The following F13B variants were observed in gnomAD, a reference collection of about 807,000 sequenced individuals.
F13B encodes the protein TGase.
F13B carries 58 observed loss-of-function variants against 79.8 expected under a neutral mutation model. The ratio of observed to expected loss-of-function variants is 0.73; its 90% CI spans 0.59 to 0.90. The LOEUF (loss-of-function observed/expected upper bound fraction) is 0.90, where lower values mean the gene tolerates loss of function less well. F13B is among the 40% of genes least tolerant of loss of function. The pLI, the probability that F13B is intolerant of heterozygous loss-of-function variation, is 0.00. For synonymous variants in F13B, 283 were observed against 260.3 expected, an observed-to-expected ratio of 1.09 and a Z score of -0.84; for missense variants, 773 against 777.0, an observed-to-expected ratio of 0.99 and a Z score of 0.06.
At position 197,057,397 on chromosome 1, in the gene F13B, A is replaced by C. The variant is rs1247793701; in HGVS notation, c.874T>G (p.Tyr292Asp). ...ATATGAACTATTTCTCCATGACGAT[A>C]AGTTGTTGAATGTGTTTGAATTTTG... ...NSKIQTHSTT[Y>D]RHGEIVHIEC... The change falls in exon 6 of 12, where the codon TAT becomes GAT. Residue 292 changes from tyrosine (Y) to aspartate (D), a missense_variant. Coordinates refer to ENST00000367412, the MANE Select transcript of F13B (RefSeq NM_001994.3). 6.2e-7 allele frequency: 1 copy of C among 1,613,922 alleles called. No individual in the cohort carries two copies. Among genetic ancestry groups the C allele is most frequent in the Non-Finnish European group, 8.5e-7 (1 of 1,179,894 alleles).
At position 197,039,020 on chromosome 1, in the gene F13B, A is replaced by T. The variant is rs1352588588; in HGVS notation, c.*358T>A. ...TGAATTAAGGGTAACAAAAGCCTTAATATTAATAAAGATGATGACGAATGT... is the reference window on the plus strand; with the variant it reads ...TGAATTAAGGGTAACAAAAGCCTTATTATTAATAAAGATGATGACGAATGT... On this transcript the variant is annotated 3_prime_UTR_variant, in exon 12 of 12. Transcript: ENST00000367412. Among the ~76,000 whole-genome samples the T allele has an allele frequency of 6.6e-6, 1 of 152,114 alleles. No individual in the cohort carries two copies. The highest frequency in any genetic ancestry group is 2.4e-5 in the African/African-American group (1 of 41,438).
chr1:197,050,588 A>G, intron 10 of F13B, 109 bp downstream of exon 10: 1 of 961,802 alleles, frequency 1.0e-6, no homozygotes, highest in South Asian at 1.5e-5. Context: ...ATAAAATAAC[A>G]CAAATGTAGC....
chr1:197,055,655 CA>C, intron 8 of F13B, 59 bp downstream of exon 8: 1 of 1,524,798 alleles, frequency 6.6e-7, no homozygotes, highest in Non-Finnish European at 9.1e-7. Flanking sequence ...TGATATAAAA[CA>C]CTGTAAGAAA....
intron 10 of F13B, among the ~76,000 whole-genome samples, chr1:197,042,106 G>A (rs1418052899): frequency 6.6e-6 from 1 of 152,048 alleles, no homozygotes; most frequent in Admixed American, 6.6e-5. Context: ...GTTTATAGCA[G>A]GTAACTGAAA....
At chr1:197,043,153 G>A (rs1655103900) in intron 10 of F13B, among the ~76,000 whole-genome samples, 1 of 152,008 alleles carries the variant, frequency 6.6e-6, no homozygotes, top group African/African-American at 2.4e-5. Context: ...AGTTACAGTG[G>A]GCATTTGGCA....
Position 197,063,026 on chromosome 1 carries a change from A to G in F13B, c.96T>C (p.Asn32=), listed in dbSNP as rs1655924673. ...EKPCGFPHVE[N]GRIAQYYYTF... is the part of the protein sequence containing the mutation. ...TATAGTAATATTGGGCAATTCTTCC[A>G]TTTTCCACATGAGGAAAACCACAGG... The change falls in exon 2 of 12, where the codon AAT becomes AAC. Residue 32 remains asparagine (N), a synonymous_variant. Transcript: ENST00000367412. 5.0e-6 allele frequency: 8 copies of G among 1,612,612 alleles called. No individual in the cohort carries two copies. The highest frequency in any genetic ancestry group is 6.8e-6 in the Non-Finnish European group (8 of 1,179,588).
At chr1:197,063,099 C>T in intron 1 of F13B, 42 bp from the exon 2 acceptor site, 2 of 1,544,852 alleles carry the variant, frequency 1.3e-6, no homozygotes, top group Non-Finnish European at 1.8e-6. Context: ...AAAAACAAAT[C>T]TAAAAACATA....
intron 9 of F13B, among the ~76,000 whole-genome samples, chr1:197,051,308 C>T (rs886384379): frequency 5.3e-5 from 8 of 151,916 alleles, no homozygotes; most frequent in Non-Finnish European, 1.2e-4. Context: ...AATTAGAATC[C>T]CACGTTATAG....
Position 197,050,795 on chromosome 1 carries a change from G to A in F13B, c.1640C>T (p.Ser547Phe). The A allele has an allele frequency of 4.3e-6, 7 of 1,613,324 alleles. No homozygotes were observed. The highest frequency in any genetic ancestry group is 5.9e-6 in the Non-Finnish European group (7 of 1,179,580). Reference sequence around the variant, plus strand: ...ATCAAAACATCTGTATTCTACTGAAGAGCCATTTTCATAGGTGTCTACTGT... The same window carrying A: ...ATCAAAACATCTGTATTCTACTGAAAAGCCATTTTCATAGGTGTCTACTGT... ...SSTVDTYENG[S>F]SVEYRCFDHH... Residue 547 changes from serine to phenylalanine, a missense_variant, in exon 10 of 12, where the codon TCT (serine) becomes TTT (phenylalanine). Transcript: ENST00000367412.
chr1:197,066,872 T>G (rs1034171136), intron 1 of F13B, among the ~76,000 whole-genome samples: 1 of 152,124 alleles, frequency 6.6e-6, no homozygotes, highest in Non-Finnish European at 1.5e-5. Context: ...ATGGACATAT[T>G]GTTAACCTGA....
chr1:197,051,146 A>G (rs1254843719), intron 9 of F13B, among the ~76,000 whole-genome samples: 1 of 152,074 alleles, frequency 6.6e-6, no homozygotes, highest in Non-Finnish European at 1.5e-5. Context: ...TGGGCTCAAG[A>G]AATCTGCCCA....
At chr1:197,043,064 T>C (rs857026) in intron 10 of F13B, among the ~76,000 whole-genome samples, 116,406 of 151,824 alleles carry the variant, frequency 0.77, 48,682 homozygotes, top group East Asian at 0.98. Flanking sequence ...GGCTCTGCAC[T>C]AGCTTTTCCC....
At chr1:197,056,659 C>T (rs541444765) in intron 7 of F13B, among the ~76,000 whole-genome samples, 13 of 152,286 alleles carry the variant, frequency 8.5e-5, no homozygotes, top group African/African-American at 1.9e-4. Flanking sequence ...TGGCCCGTCA[C>T]TCAATCCACC....
chr1:197,040,812 G>A (rs751582965), intron 10 of F13B, 77 bp from the exon 11 acceptor site: 90 of 1,220,404 alleles, frequency 7.4e-5, no homozygotes, highest in African/African-American at 6.7e-4. Flanking sequence ...AACAGGAATC[G>A]TTGTGTTGCC....
Position 197,061,073 on chromosome 1 carries a change from T to C in F13B, c.454A>G (p.Thr152Ala), listed in dbSNP as rs755247082. 7.3e-6 allele frequency: 10 copies of C among 1,379,064 alleles called. No individual in the cohort carries two copies. The African/African-American group carries it at 1.4e-4, about 20-fold the overall frequency. 85.4% of individuals were successfully genotyped at this position (1,379,064 alleles called of 1,614,324 possible). A position where few individuals can be genotyped will look rare whatever the true frequency, so the allele number is the denominator to read the frequency against. Residue 152 changes from threonine (T) to alanine (A), a missense_variant and splice_region_variant, in exon 4 of 12, where the codon ACA (threonine) becomes GCA (alanine). By Grantham distance (58) the Thr-to-Ala change is moderately conservative. Transcript: ENST00000367412. ...SQPTCRKEHE[T>A]CLAPELYNGN... ...TTATATAATTCAGGAGCCAAACATG[T>C]TTCTAAAATTATAAAAATTATTTAT...
chr1:197,041,617 G>A (rs1379353507), intron 10 of F13B, among the ~76,000 whole-genome samples: 1 of 151,806 alleles, frequency 6.6e-6, no homozygotes, highest in Admixed American at 6.6e-5. Context: ...GCCCCTCCCT[G>A]ATTGCCTACA....
chr1:197,045,774 TGG>T (rs1655207089), intron 10 of F13B, among the ~76,000 whole-genome samples: 1 of 152,184 alleles, frequency 6.6e-6, no homozygotes, highest in Admixed American at 6.5e-5. Context: ...AATAAAATAC[TGG>T]CAAACCAAAT....
intron 6 of F13B, 43 bp downstream of exon 6, chr1:197,057,243 T>C: frequency 6.2e-7 from 1 of 1,613,908 alleles, no homozygotes; most frequent in Non-Finnish European, 8.5e-7. Context: ...TAGCTACACA[T>C]GCAGATTTCA....
chr1:197,042,569 A>G (rs543704318), intron 10 of F13B, among the ~76,000 whole-genome samples: 79 of 151,186 alleles, frequency 5.2e-4, no homozygotes, highest in Admixed American at 7.9e-4. Flanking sequence ...CTGTAATCCC[A>G]GCACTTTGGG....
Sources: allele counts gnomAD v4.1 joint callset (sites outside exome capture counted in the v4.1 genomes callset), GRCh38; gene constraint gnomAD v4.1.1; transcripts MANE v1.5; gene names NCBI Gene and HGNC (gene_info 2026-07-23, HGNC 2026-07-21).